Variants in FAM177B observed in about 807,000 individuals in gnomAD.
FAM177B encodes the protein family with sequence similarity 177 member B, also known as protein FAM177B.
A neutral mutation model predicts 16.1 loss-of-function variants in FAM177B; 16 were observed. The observed-to-expected ratio is 0.99, with a 90% CI of 0.67 to 1.51. The LOEUF is 1.51. Ranked by LOEUF, FAM177B falls within the 40% of genes most tolerant of loss-of-function variation. The probability of loss-of-function intolerance (pLI) is 0.00; values close to 1 mark genes in which losing one functional copy is unlikely to be tolerated. For synonymous variants in FAM177B, 56 were observed against 59.9 expected (o/e 0.93, Z 0.30); for missense variants, 178 against 183.7 (o/e 0.97, Z 0.18).
chr1:222,750,534 G>A lies in FAM177B; in HGVS notation c.*476G>A, dbSNP rs752361280. On this transcript the variant is annotated 3_prime_UTR_variant, in exon 6 of 6. Transcript: ENST00000445590. ...GTGTACTTCCAACAACCATCCTGGC[G>A]TAGTTGGGGATTGTTTTACAATAAG... 2.4e-4 allele frequency: 233 copies of A among 985,280 alleles called. 1 individual carries two copies. The highest frequency in any genetic ancestry group is 2.7e-4 in the Non-Finnish European group (220 of 829,792). The allele number at this position is 985,280 out of a possible 1,614,324, so 61.0% of individuals were successfully genotyped here. A position where few individuals can be genotyped will look rare whatever the true frequency, so the allele number is the denominator to read the frequency against.
chr1:222,738,152 G>C (rs1240885804), intron 2 of FAM177B, 131 bp downstream of exon 2: 1 of 152,116 alleles, frequency 6.6e-6, no homozygotes, highest in East Asian at 1.9e-4. Flanking sequence ...GCAGGTAGTT[G>C]GATCTGTGAG....
At chr1:222,738,826 CA>C (rs1259675244) in intron 2 of FAM177B, among the ~76,000 whole-genome samples, 1 of 152,132 alleles carries the variant, frequency 6.6e-6, no homozygotes, top group Non-Finnish European at 1.5e-5. Flanking sequence ...GTACCGATTA[CA>C]AAGATGAATT....
intron 4 of FAM177B, chr1:222,749,125 C>T (rs770284668): frequency 8.6e-6 from 4 of 465,980 alleles, no homozygotes; most frequent in East Asian, 6.7e-5. Flanking sequence ...GATGTTTAGC[C>T]GGTATGCATG....
rs1475130480 is a variant in FAM177B at position 222,749,658 on chromosome 1, C to A, written c.339+96C>A. On this transcript the variant is annotated intron_variant, in intron 5 of 5. Coordinates refer to ENST00000445590, the MANE Select transcript of FAM177B (RefSeq NM_001394345.1). ...TAGAGAAGTATTTTTCCCACCTGGT[C>A]ATATGTACTATAATTTCACCAAGCT... The A allele has an allele frequency of 8.9e-6, 7 of 788,398 alleles. No individual in the cohort carries two copies. The African/African-American group carries it at 1.0e-4, about 12-fold the overall frequency. The allele number at this position is 788,398 out of a possible 1,614,324, so 48.8% of individuals were successfully genotyped here.
At chr1:222,738,918 C>G (rs1171425797) in intron 2 of FAM177B, among the ~76,000 whole-genome samples, 1 of 152,224 alleles carries the variant, frequency 6.6e-6, no homozygotes. Context: ...AGTGCTCACT[C>G]TTGTGCTCAT....
In FAM177B at chr1:222,739,533, G is replaced by T. The variant is rs542938597; in HGVS notation, c.-16+1512G>T. On this transcript the variant is annotated intron_variant, in intron 2 of 5. Coordinates refer to ENST00000445590, the MANE Select transcript of FAM177B (RefSeq NM_001394345.1). ...GTGGTCTTAGGTGTGGCCTGTCTTT[G>T]AAATTATTTAAAAGACCCCCAGATG... is the stretch of plus-strand genomic sequence containing the variant. 2.6e-5 allele frequency among the ~76,000 whole-genome samples: 4 copies of T among 152,256 alleles called. No homozygotes were observed. In the South Asian group the frequency reaches 8.3e-4, roughly 32 times the overall value.
intron 2 of FAM177B, chr1:222,739,552 C>G (rs1234066379): frequency 6.6e-5 from 10 of 152,052 alleles, no homozygotes; most frequent in Admixed American, 2.6e-4. Context: ...TAAAAGACCC[C>G]CAGATGATTC....
chr1:222,739,585 G>A (rs1221059184), intron 2 of FAM177B: 3 of 152,130 alleles, frequency 2.0e-5, no homozygotes, highest in Non-Finnish European at 4.4e-5. Flanking sequence ...AATTTTGAGA[G>A]CCACTGGGCT....
intron 2 of FAM177B, among the ~76,000 whole-genome samples, chr1:222,741,130 C>T (rs1658510809): frequency 7.7e-6 from 1 of 129,616 alleles, no homozygotes; most frequent in Non-Finnish European, 1.6e-5. Context: ...GCAATCTCAA[C>T]TCACTGCAAC....
At chr1:222,744,189 G>A (rs1276339086) in intron 2 of FAM177B, among the ~76,000 whole-genome samples, 1 of 152,142 alleles carries the variant, frequency 6.6e-6, no homozygotes, top group African/African-American at 2.4e-5. Context: ...AACAATATGA[G>A]GCCAGGCATG....
In FAM177B at chr1:222,749,565, A is replaced by G; in HGVS notation, c.339+3A>G. On this transcript the variant is annotated splice_donor_region_variant and intron_variant, in intron 5 of 5. Transcript: ENST00000445590. Reference sequence around the variant, plus strand: ...AGTTCTATAGGATACAAAACAAGGTATGTGACACTCTGATGGAAACAAGGG... The same window carrying G: ...AGTTCTATAGGATACAAAACAAGGTGTGTGACACTCTGATGGAAACAAGGG... The G allele has an allele frequency of 1.9e-6, 3 of 1,538,736 alleles. No individual in the cohort carries two copies. Among genetic ancestry groups the G allele is most frequent in the Non-Finnish European group, 2.7e-6 (3 of 1,116,300 alleles).
At position 222,748,569 on chromosome 1, in the gene FAM177B, T is replaced by A. The variant is rs548183334; in HGVS notation, c.242-896T>A. Among the ~76,000 whole-genome samples, 14 of 152,216 alleles carry A rather than the reference T, an allele frequency of 9.2e-5. 1 individual carries two copies. The highest frequency in any genetic ancestry group is 9.2e-4 in the Admixed American group (14 of 15,288). ...ACACAGAGATTTTGTTTGAATGGAG[T>A]TGGAACTCAGACGACACAGGTAATT... On this transcript the variant is annotated intron_variant, in intron 4 of 5. Transcript: ENST00000445590.
chr1:222,743,689 G>T (rs997666278), intron 2 of FAM177B, among the ~76,000 whole-genome samples: 1 of 152,186 alleles, frequency 6.6e-6, no homozygotes, highest in African/African-American at 2.4e-5. Flanking sequence ...TACCCTTGTT[G>T]CTAGGAGATA....
chr1:222,745,177 G>T (rs1021368562), intron 2 of FAM177B, among the ~76,000 whole-genome samples: 2 of 152,158 alleles, frequency 1.3e-5, no homozygotes, highest in African/African-American at 4.8e-5. Context: ...CATCGTCAGT[G>T]GATGGACATT....
chr1:222,740,343 C>A (rs1027231883), intron 2 of FAM177B, among the ~76,000 whole-genome samples: 1 of 152,130 alleles, frequency 6.6e-6, no homozygotes, highest in African/African-American at 2.4e-5. Flanking sequence ...TAATGGATGA[C>A]TGACAGTCCA....
Position 222,746,737 on chromosome 1 carries a change from A to G in FAM177B, c.174+18A>G. The G allele has an allele frequency of 6.3e-7, 1 of 1,580,708 alleles. No homozygotes were observed. The highest frequency in any genetic ancestry group is 8.6e-7 in the Non-Finnish European group (1 of 1,157,872). On this transcript the variant is annotated intron_variant, in intron 3 of 5. Transcript: ENST00000445590. ...TTGACCCTGTAAGCTTAGTATATCA[A>G]TATTAGGGAACATGGTGGGGGAGGC...
rs186709458 is a variant in FAM177B, at chr1:222,746,883, C to G, written c.175-132C>G. 89 of 891,200 alleles carry G rather than the reference C, an allele frequency of 1.0e-4. No individual in the cohort carries two copies. The East Asian group carries it at 1.1e-3, about 11-fold the overall frequency. 55.2% of individuals were successfully genotyped at this position (891,200 alleles called of 1,614,324 possible). A position where few individuals can be genotyped will look rare whatever the true frequency, so the allele number is the denominator to read the frequency against. On this transcript the variant is annotated intron_variant, in intron 3 of 5. Coordinates refer to ENST00000445590, the MANE Select transcript of FAM177B (RefSeq NM_001394345.1). ...ATAGGCAACTTACAATTTTAATCAT[C>G]TTGGTCTCTTCATCTGTGAGAGAGA...
At chr1:222,746,339 C>T (rs879357925) in intron 2 of FAM177B, among the ~76,000 whole-genome samples, 192 bp from the exon 3 acceptor site, 1 of 152,196 alleles carries the variant, frequency 6.6e-6, no homozygotes, top group Non-Finnish European at 1.5e-5. Context: ...TGTAAGTTCA[C>T]GTTTTCGCTA....
intron 2 of FAM177B, among the ~76,000 whole-genome samples, chr1:222,738,758 G>A (rs1292040103): frequency 6.6e-6 from 1 of 152,130 alleles, no homozygotes; most frequent in Non-Finnish European, 1.5e-5. Context: ...TGTTCCCAAG[G>A]TTTTTGTAAA....
Sources: allele counts gnomAD v4.1 joint callset (sites outside exome capture counted in the v4.1 genomes callset), GRCh38; gene constraint gnomAD v4.1.1; transcripts MANE v1.5; gene names NCBI Gene and HGNC (gene_info 2026-07-23, HGNC 2026-07-21).